Variants in UBE2D2 observed in about 807,000 individuals in gnomAD.
The protein encoded by UBE2D2 is ubiquitin conjugating enzyme E2 D2, also known as ubiquitin-conjugating enzyme E2 D2.
In UBE2D2, 2 loss-of-function variants were observed where a neutral mutation model predicts 24.2. The observed-to-expected ratio is 0.08, with a 90% CI of 0.03 to 0.26. The LOEUF is 0.26. Among genes scored for constraint, UBE2D2 ranks in the 10% least tolerant of loss-of-function variants. The pLI is 1.00. For missense variants in UBE2D2, 44 were observed against 177.6 expected, an observed-to-expected ratio of 0.25 and a Z score of 4.28; for synonymous variants, 58 against 56.5, an observed-to-expected ratio of 1.03 and a Z score of -0.12.
rs188939751 is a variant in UBE2D2 at position 139,535,701 on chromosome 5, A to G, written c.-64+9089A>G. 4.6e-5 allele frequency among the ~76,000 whole-genome samples: 7 copies of G among 152,342 alleles called. No homozygotes were observed. The East Asian group carries it at 1.3e-3, about 29-fold the overall frequency. On this transcript the variant is annotated intron_variant, in intron 1 of 6. Transcript: ENST00000511725. ...GAAGGCTATGCCCCTATCAAAGAGC[A>G]TGAGGCAGGTTTCCATGTATTGACA...
chr5:139,531,378 G>T (rs751778326), intron 1 of UBE2D2, among the ~76,000 whole-genome samples: 3 of 152,182 alleles, frequency 2.0e-5, no homozygotes, highest in Non-Finnish European at 4.4e-5. Context: ...CGTACCGCCT[G>T]CCTGCTCAAA....
intron 1 of UBE2D2, among the ~76,000 whole-genome samples, chr5:139,539,070 G>C (rs564864040): frequency 2.6e-5 from 4 of 151,874 alleles, no homozygotes; most frequent in Non-Finnish European, 4.4e-5. Context: ...TGTCGCCCAG[G>C]CTGGAGTGCA....
intron 5 of UBE2D2, among the ~76,000 whole-genome samples, chr5:139,615,275 C>G (rs1011734915): frequency 6.6e-6 from 1 of 152,060 alleles, no homozygotes; most frequent in East Asian, 1.9e-4. Flanking sequence ...ACAAGGTCAG[C>G]AGATCGAGAC....
intron 2 of UBE2D2, among the ~76,000 whole-genome samples, chr5:139,605,554 T>G (rs1306187737): frequency 7.9e-6 from 1 of 126,532 alleles, no homozygotes; most frequent in Non-Finnish European, 1.5e-5. Flanking sequence ...ATCACGCCAC[T>G]GCACTCCAGC....
At chr5:139,548,873 G>A (rs1471918551) in intron 1 of UBE2D2, among the ~76,000 whole-genome samples, 2 of 150,224 alleles carry the variant, frequency 1.3e-5, no homozygotes, top group African/African-American at 2.5e-5. Flanking sequence ...TTTTTAGATG[G>A]AGTCTCACTC....
intron 5 of UBE2D2, among the ~76,000 whole-genome samples, chr5:139,620,508 T>C (rs534727402): frequency 1.3e-5 from 2 of 152,354 alleles, no homozygotes; most frequent in East Asian, 3.9e-4. Flanking sequence ...CTTCAGGTGA[T>C]GACACCTGAC....
intron 1 of UBE2D2, among the ~76,000 whole-genome samples, chr5:139,543,929 G>C (rs978292699): frequency 6.6e-6 from 1 of 152,168 alleles, no homozygotes; most frequent in African/African-American, 2.4e-5. Context: ...ATTGAAGGCA[G>C]CAGGAATGTC....
At chr5:139,591,936 ATGCC>A (rs1210648821) in intron 1 of UBE2D2, among the ~76,000 whole-genome samples, 1 of 152,130 alleles carries the variant, frequency 6.6e-6, no homozygotes, top group Non-Finnish European at 1.5e-5. Flanking sequence ...GCGGTGGCTC[ATGCC>A]TGTAATTCCA....
chr5:139,604,880 T>C (rs1311626788), intron 2 of UBE2D2, among the ~76,000 whole-genome samples: 1 of 127,408 alleles, frequency 7.8e-6, no homozygotes, highest in East Asian at 2.3e-4. Flanking sequence ...ACCCAGTCTC[T>C]AAAAAAAAAA....
chr5:139,614,141 G>A (rs1012556528), intron 2 of UBE2D2, among the ~76,000 whole-genome samples: 2 of 151,852 alleles, frequency 1.3e-5, no homozygotes, highest in East Asian at 3.9e-4. Flanking sequence ...AGAAATAACT[G>A]TTTAAAAGTA....
At chr5:139,622,328 T>C (rs1307456020) in intron 5 of UBE2D2, among the ~76,000 whole-genome samples, 1 of 151,810 alleles carries the variant, frequency 6.6e-6, no homozygotes, top group African/African-American at 2.4e-5. Flanking sequence ...CACTGCAACC[T>C]CCACCTCCCA....
intron 1 of UBE2D2, chr5:139,562,163 G>T: frequency 1.5e-6 from 2 of 1,333,134 alleles, no homozygotes; most frequent in Non-Finnish European, 2.0e-6. Flanking sequence ...GGGGGGCGCT[G>T]GGGCGTTGGG....
At chr5:139,608,922 T>TA (rs899330146) in intron 2 of UBE2D2, among the ~76,000 whole-genome samples, 12 of 152,118 alleles carry the variant, frequency 7.9e-5, no homozygotes, top group African/African-American at 2.6e-4. Context: ...CAGTCTCCAC[T>TA]AAAAATACAG....
chr5:139,625,912 C>T (rs1048925233), intron 6 of UBE2D2, among the ~76,000 whole-genome samples: 4 of 150,346 alleles, frequency 2.7e-5, no homozygotes, highest in East Asian at 2.0e-4. Context: ...GCCTAGCACC[C>T]GTTTTTTAAT....
intron 1 of UBE2D2, among the ~76,000 whole-genome samples, chr5:139,590,715 A>C (rs77969204): frequency 0.014 from 2,118 of 148,850 alleles, 28 homozygotes; most frequent in Middle Eastern, 0.068. Flanking sequence ...AGATCCTAAG[A>C]TAGTATGGCG....
intron 1 of UBE2D2, among the ~76,000 whole-genome samples, chr5:139,596,405 T>C (rs1753960552): frequency 6.6e-6 from 1 of 151,826 alleles, no homozygotes; most frequent in African/African-American, 2.4e-5. Flanking sequence ...GCGATTCTCC[T>C]GCCTCAGCCT....
At chr5:139,552,606 T>C (rs1752935127) in intron 1 of UBE2D2, among the ~76,000 whole-genome samples, 1 of 149,682 alleles carries the variant, frequency 6.7e-6, no homozygotes, top group Non-Finnish European at 1.5e-5. Context: ...CCTCCTGGGA[T>C]CAAGTGATTC....
intron 5 of UBE2D2, among the ~76,000 whole-genome samples, chr5:139,615,828 GA>G (rs1216278630): frequency 1.3e-4 from 18 of 134,164 alleles, no homozygotes; most frequent in African/African-American, 5.2e-4. Context: ...CAATAATCTA[GA>G]TTTTTTTTTT....
At chr5:139,549,954 G>A (rs143975145) in intron 1 of UBE2D2, among the ~76,000 whole-genome samples, 69 of 152,270 alleles carry the variant, frequency 4.5e-4, no homozygotes, top group African/African-American at 1.6e-3. Flanking sequence ...GAAACTTTAT[G>A]TCTAGCTAAA....
Sources: allele counts gnomAD v4.1 joint callset (sites outside exome capture counted in the v4.1 genomes callset), GRCh38; gene constraint gnomAD v4.1.1; transcripts MANE v1.5; gene names NCBI Gene and HGNC (gene_info 2026-07-23, HGNC 2026-07-21).